The following DNAH10 variants were observed in gnomAD, a reference collection of about 807,000 sequenced individuals.
DNAH10 encodes dynein axonemal heavy chain 10, also known as axonemal beta dynein heavy chain 10.
Under a neutral mutation model 506.6 loss-of-function variants are expected in DNAH10, and 348 were observed. The observed-to-expected ratio is 0.69, with a 90% confidence interval of 0.63 to 0.75. The LOEUF is 0.75. Among genes scored for constraint, DNAH10 ranks in the 30% least tolerant of loss-of-function variants. The pLI is 0.00. For synonymous variants in DNAH10, 2,059 were observed against 2,198.6 expected (o/e 0.94, Z 1.78); for missense variants, 5,179 against 5,787.1 (o/e 0.89, Z 3.41).
In DNAH10 at chr12:123,845,559, C is replaced by T. The variant is rs114910324; in HGVS notation, c.5361-41C>T. 2,841 of 1,604,238 alleles carry T rather than the reference C, an allele frequency of 1.8e-3. 38 individuals are homozygous for T. The African/African-American group carries it at 0.033, about 19-fold the overall frequency. On this transcript the variant is annotated intron_variant, in intron 30 of 78. Coordinates refer to ENST00000673944, the MANE Select transcript of DNAH10 (RefSeq NM_001372106.1). The stretch of plus-strand genomic sequence containing the variant: ...AGGGACTGTTTTGGGTACCAGTCCC[C>T]GGATTGATCAGAGCCTCTTACAGGT...
intron 16 of DNAH10, among the ~76,000 whole-genome samples, chr12:123,802,630 A>G (rs1958516654): frequency 6.7e-6 from 1 of 150,204 alleles, no homozygotes; most frequent in African/African-American, 2.4e-5. Flanking sequence ...TTTTTGTTTT[A>G]CTGTCATGCT....
chr12:123,921,587 T>C (rs1269557239), intron 65 of DNAH10, among the ~76,000 whole-genome samples: 4 of 152,088 alleles, frequency 2.6e-5, no homozygotes, highest in African/African-American at 4.8e-5. Flanking sequence ...GCTTTTGATG[T>C]GTTCTGTGGT....
intron 16 of DNAH10, among the ~76,000 whole-genome samples, chr12:123,802,652 C>T (rs182366079): frequency 6.6e-6 from 1 of 151,378 alleles, no homozygotes. Flanking sequence ...TCTTACAGGG[C>T]GGCTGTGCCA....
Position 123,918,401 on chromosome 12 carries a change from CG to C in DNAH10, c.11233-271del, listed in dbSNP as rs1280474939. Among the ~76,000 whole-genome samples, 11 of 152,294 alleles carry C rather than the reference CG, an allele frequency of 7.2e-5. No homozygotes were observed. In the Middle Eastern group the frequency reaches 0.014, roughly 188 times the overall value. ...GGCCCTGGGTCACATCTCCTGGAGT[CG>C]GGGTGGAACCCCATATGGGAAGAAA... On this transcript the variant is annotated intron_variant, in intron 64 of 78. Transcript: ENST00000673944.
At chr12:123,780,749 G>A in intron 5 of DNAH10, among the ~76,000 whole-genome samples, 1 of 151,350 alleles carries the variant, frequency 6.6e-6, no homozygotes, top group Non-Finnish European at 1.5e-5. Context: ...AGGAGATCGA[G>A]ACTAGCCTGG....
intron 19 of DNAH10, among the ~76,000 whole-genome samples, chr12:123,812,931 C>T (rs542106782): frequency 1.4e-4 from 22 of 152,242 alleles, no homozygotes; most frequent in South Asian, 1.2e-3. Flanking sequence ...ATACCATGTC[C>T]GCCCCTTTCC....
At chr12:123,799,866 G>A (rs951786314) in intron 14 of DNAH10, among the ~76,000 whole-genome samples, 2 of 152,130 alleles carry the variant, frequency 1.3e-5, no homozygotes, top group African/African-American at 4.8e-5. Context: ...AAATCCTGAC[G>A]TAGGGACCAA....
rs747963405 is a variant in DNAH10 at position 123,924,318 on chromosome 12, C to T, written c.11652C>T (p.Cys3884=). 45 of 1,612,486 alleles carry T rather than the reference C, an allele frequency of 2.8e-5. No individual in the cohort carries two copies. In the Middle Eastern group the frequency reaches 4.9e-4, roughly 18 times the overall value. The change falls in exon 67 of 79, where the codon TGC becomes TGT. Residue 3884 remains cysteine, a synonymous_variant. Transcript: ENST00000673944. The part of the protein sequence containing the change: ...SLEKSKRKKP[C]AWLSDQGWED... ...AGAAAAGCAAAAGAAAAAAGCCCTG[C>T]GCTTGGTTGTCTGACCAAGGATGGG...
In DNAH10 at chr12:123,873,624, A is replaced by G; in HGVS notation, c.7852A>G (p.Asn2618Asp). 1 of 1,613,920 alleles carries G rather than the reference A, an allele frequency of 6.2e-7. No homozygotes were observed. Among genetic ancestry groups the G allele is most frequent in the Non-Finnish European group, 8.5e-7 (1 of 1,179,862 alleles). ...GGATATCCAAAGAAATTTAGAAGCA[A>G]ATGTGGAAAAGCGAACCAAAGATAC... ...SMDIQRNLEA[N>D]VEKRTKDTYG... Residue 2618 changes from asparagine (N) to aspartate (D), a missense_variant, in exon 46 of 79, where the codon AAT (asparagine) becomes GAT (aspartate). Physicochemically the swap from Asn to Asp is conservative, Grantham distance 23. Around this residue, in one of 3 missense-constraint regions of DNAH10, gnomAD observed 4,844 missense variants for 5,430.5 expected, o/e 0.89. Transcript: ENST00000673944.
chr12:123,779,795 G>T (rs2136012875), intron 5 of DNAH10, among the ~76,000 whole-genome samples: 1 of 152,194 alleles, frequency 6.6e-6, no homozygotes, highest in African/African-American at 2.4e-5. Flanking sequence ...AACATTCTGG[G>T]TTCTTCAGTA....
intron 39 of DNAH10, among the ~76,000 whole-genome samples, 182 bp downstream of exon 39, chr12:123,861,352 C>CAATACACATAAGACA (rs1951605261): frequency 6.6e-6 from 1 of 152,196 alleles, no homozygotes; most frequent in Non-Finnish European, 1.5e-5. Context: ...TTATGTGTGA[C>CAATACACATAAGACA]CTCAGTTGTC....
chr12:123,834,796 T>G (rs1960961068), intron 27 of DNAH10, among the ~76,000 whole-genome samples: 1 of 152,218 alleles, frequency 6.6e-6, no homozygotes, highest in South Asian at 2.1e-4. Flanking sequence ...TACGTCTGGC[T>G]TTTGTCACTT....
chr12:123,914,105 C>T (rs1356334291), intron 60 of DNAH10, among the ~76,000 whole-genome samples: 1 of 152,208 alleles, frequency 6.6e-6, no homozygotes, highest in African/African-American at 2.4e-5. Flanking sequence ...CAGGCCTTTA[C>T]TGAGCCCCCT....
At chr12:123,894,601 C>A in intron 53 of DNAH10, 42 bp from the exon 54 acceptor site, 1 of 1,582,668 alleles carries the variant, frequency 6.3e-7, no homozygotes. Context: ...CGCCACATTG[C>A]CCAGGCTGGG....
At chr12:123,929,623 G>A in intron 71 of DNAH10, 41 bp from the exon 72 acceptor site, 1 of 1,592,754 alleles carries the variant, frequency 6.3e-7, no homozygotes, top group Middle Eastern at 1.7e-4. Flanking sequence ...TGAACAGCTT[G>A]GTGGGTTTCA....
chr12:123,928,648 T>C lies in DNAH10; in HGVS notation c.12306+61T>C. On this transcript the variant is annotated intron_variant, in intron 70 of 78. Transcript: ENST00000673944. This position sits in a 1 kb window ranked among gnomAD's most constrained non-coding sequence, Gnocchi z 4.9. ...GCAGCTTCTCAGAACACCTGCATGC[T>C]GCTCTGGGGCCGGGGTGTGCCTTTG... 2 of 1,512,496 alleles carry C rather than the reference T, an allele frequency of 1.3e-6. No homozygotes were observed. The highest frequency in any genetic ancestry group is 1.8e-6 in the Non-Finnish European group (2 of 1,121,108). The allele number at this position is 1,512,496 out of a possible 1,614,324, so 93.7% of individuals were successfully genotyped here.
rs1566030062 is a variant in DNAH10, at chr12:123,875,454, A to G, written c.8162A>G (p.His2721Arg). 6.2e-7 allele frequency: 1 copy of G among 1,614,004 alleles called. No homozygotes were observed. Among genetic ancestry groups the G allele is most frequent in the South Asian group, 1.1e-5 (1 of 91,090 alleles). The change falls in exon 47 of 79, where the codon CAT becomes CGT. Residue 2721 changes from histidine to arginine, a missense_variant. This residue lies in a region of DNAH10 where 4,844 missense variants were observed against 5,430.5 expected (regional missense o/e 0.89). Coordinates refer to ENST00000673944, the MANE Select transcript of DNAH10 (RefSeq NM_001372106.1). ...CCATTTCCTTCAGAGGAGTCTCTGC[A>G]TTTAATTTATTCCTCCATCCTGAAA... ...NVPFPSEESLHLIYSSILKGH... is the reference protein window; with the variant it reads ...NVPFPSEESLRLIYSSILKGH...
At chr12:123,801,532 A>G in intron 16 of DNAH10, 100 bp downstream of exon 16, 1 of 1,408,374 alleles carries the variant, frequency 7.1e-7, no homozygotes, top group East Asian at 2.4e-5. Context: ...GTTTATAGAG[A>G]CAATTAACAA....
At chr12:123,803,632 A>C (rs1421165095) in intron 16 of DNAH10, 29 bp from the exon 17 acceptor site, 4 of 1,502,576 alleles carry the variant, frequency 2.7e-6, no homozygotes, top group Non-Finnish European at 2.7e-6. Context: ...TTGGAAGCCA[A>C]ATGTCTTTCT....
Sources: allele counts gnomAD v4.1 joint callset (sites outside exome capture counted in the v4.1 genomes callset), GRCh38; gene constraint gnomAD v4.1.1; regional missense constraint gnomAD v4.1.1; non-coding constraint Gnocchi (gnomAD v3.1); transcripts MANE v1.5; gene names NCBI Gene and HGNC (gene_info 2026-07-23, HGNC 2026-07-21).